Variants in TRIM9 observed in about 807,000 individuals in gnomAD.
TRIM9 encodes the protein tripartite motif containing 9.
TRIM9 carries 26 observed loss-of-function variants against 78.3 expected under a neutral mutation model. That is an observed-to-expected ratio of 0.33 (90% CI 0.24 to 0.46). The LOEUF is 0.46. TRIM9 is among the 20% of genes least tolerant of loss of function. The pLI is 1.00. For synonymous variants in TRIM9, 398 were observed against 416.5 expected (o/e 0.96, Z 0.54); for missense variants, 787 against 1,036.4 (o/e 0.76, Z 3.30).
chr14:50,992,229 G>A (rs994274236), intron 7 of TRIM9, among the ~76,000 whole-genome samples: 6 of 152,142 alleles, frequency 3.9e-5, no homozygotes, highest in Non-Finnish European at 5.9e-5. Context: ...AGCATTTCTG[G>A]AGGTCTCAGC....
chr14:51,045,504 G>A (rs1050376568), intron 1 of TRIM9, among the ~76,000 whole-genome samples: 1 of 152,176 alleles, frequency 6.6e-6, no homozygotes, highest in Non-Finnish European at 1.5e-5. Flanking sequence ...TATTGTAGAG[G>A]GCATTTAAGA....
At chr14:50,983,186 A>G (rs2052207364) in intron 9 of TRIM9, among the ~76,000 whole-genome samples, 194 bp downstream of exon 9, 1 of 152,244 alleles carries the variant, frequency 6.6e-6, no homozygotes, top group East Asian at 1.9e-4. Flanking sequence ...GGGAAAAGTA[A>G]GGTTTGAGGC....
At chr14:51,050,552 C>T (rs1451796631) in intron 1 of TRIM9, among the ~76,000 whole-genome samples, 3 of 152,142 alleles carry the variant, frequency 2.0e-5, no homozygotes, top group Admixed American at 6.5e-5. Flanking sequence ...CAGACTAATA[C>T]AATGTCTTTA....
intron 1 of TRIM9, among the ~76,000 whole-genome samples, chr14:51,025,905 C>G (rs898189125): frequency 1.3e-5 from 2 of 152,152 alleles, no homozygotes; most frequent in African/African-American, 4.8e-5. Flanking sequence ...TTCCTTCTCC[C>G]AAGTACAGCC....
intron 1 of TRIM9, among the ~76,000 whole-genome samples, chr14:51,064,591 T>C (rs976063603): frequency 7.9e-5 from 12 of 151,976 alleles, no homozygotes; most frequent in African/African-American, 2.7e-4. Context: ...AAGTTGGTAG[T>C]TGGTTTTCTG....
chr14:50,983,654 A>G (rs1158237306), intron 8 of TRIM9, among the ~76,000 whole-genome samples: 1 of 152,186 alleles, frequency 6.6e-6, no homozygotes, highest in East Asian at 1.9e-4. Context: ...AATTGATCCT[A>G]AACTCTGTAG....
rs1293242939 is a variant in TRIM9, at chr14:50,988,549, T to G, written c.1604-2405A>C. ...TTCACTCTAATCAGGCAAGTTTATT[T>G]AACATCCATACTGTACAACCATTTC... On this transcript the variant is annotated intron_variant, in intron 7 of 12. Coordinates refer to ENST00000684578, the MANE Select transcript of TRIM9 (RefSeq NM_001387360.1). 2.0e-5 allele frequency among the ~76,000 whole-genome samples: 3 copies of G among 151,394 alleles called. No homozygotes were observed. The East Asian group carries it at 5.8e-4, about 29-fold the overall frequency.
intron 1 of TRIM9, among the ~76,000 whole-genome samples, chr14:51,073,686 T>C (rs1292343039): frequency 3.3e-5 from 5 of 152,220 alleles, no homozygotes; most frequent in African/African-American, 1.2e-4. Flanking sequence ...TGGAGGCTGA[T>C]GATATCCTGA....
chr14:50,979,647 T>G (rs566238739), intron 11 of TRIM9, 98 bp from the exon 12 acceptor site: 49 of 972,402 alleles, frequency 5.0e-5, no homozygotes, highest in Non-Finnish European at 5.7e-5. Flanking sequence ...AACCTGTTTA[T>G]AATCATCACT....
At chr14:51,022,738 C>A in intron 3 of TRIM9, 97 bp downstream of exon 3, 1 of 1,553,720 alleles carries the variant, frequency 6.4e-7, no homozygotes. Context: ...GCATCCTCTC[C>A]TCCTGTCCAT....
At position 50,986,064 on chromosome 14, in the gene TRIM9, A is replaced by G. The variant is rs935968070; in HGVS notation, c.1684T>C (p.Ser562Pro). ...LPLRRMSPFS[S>P]TLNLQPSFPG... Reference sequence around the variant, plus strand: ...AAGCTGGGTTGTAGATTAAGGGTGGAGGAGAAAGGACTCATTCTACGGAGC... The same window carrying G: ...AAGCTGGGTTGTAGATTAAGGGTGGGGGAGAAAGGACTCATTCTACGGAGC... Residue 562 changes from serine to proline, a missense_variant, in exon 8 of 13, where the codon TCC becomes CCC. Ser to Pro is a moderately conservative substitution (Grantham distance 74). This residue lies in a region of TRIM9 where 421 missense variants were observed against 514.3 expected (regional missense o/e 0.82). Coordinates refer to ENST00000684578, the MANE Select transcript of TRIM9 (RefSeq NM_001387360.1). The G allele has an allele frequency of 1.3e-6, 2 of 1,549,826 alleles. No individual in the cohort carries two copies. The highest frequency in any genetic ancestry group is 1.7e-6 in the Non-Finnish European group (2 of 1,146,606).
At chr14:51,066,136 G>A (rs1191404520) in intron 1 of TRIM9, among the ~76,000 whole-genome samples, 2 of 136,500 alleles carry the variant, frequency 1.5e-5, no homozygotes, top group African/African-American at 5.4e-5. Context: ...GGAGGGGGAG[G>A]GAGACAATTT....
At chr14:51,020,214 T>G (rs2139745266) in intron 3 of TRIM9, among the ~76,000 whole-genome samples, 1 of 152,200 alleles carries the variant, frequency 6.6e-6, no homozygotes, top group East Asian at 1.9e-4. Flanking sequence ...GGCCAGTCTT[T>G]TCTCACAAAT....
chr14:51,094,256 G>A lies in TRIM9; in HGVS notation c.684C>T (p.Thr228=), dbSNP rs779474155. ...SRRLSPRKVS[T]CTDHELENHS... is the part of the protein sequence containing the mutation. ...GGTTCTCCAGCTCGTGGTCTGTGCA[G>A]GTGGAGACCTTGCGTGGGCTCAGCC... The change falls in exon 1 of 13, where the codon ACC becomes ACT. Residue 228 remains threonine (T), a synonymous_variant. Transcript: ENST00000684578. 1 of 1,614,228 alleles carries A rather than the reference G, an allele frequency of 6.2e-7. No individual in the cohort carries two copies. Among genetic ancestry groups the A allele is most frequent in the Non-Finnish European group, 8.5e-7 (1 of 1,180,038 alleles).
At chr14:51,054,160 C>T (rs1056134971) in intron 1 of TRIM9, among the ~76,000 whole-genome samples, 3 of 152,224 alleles carry the variant, frequency 2.0e-5, no homozygotes, top group African/African-American at 7.2e-5. Context: ...CTCCTGGGCT[C>T]AAACCATCCT....
At chr14:51,020,994 A>C (rs2057706214) in intron 3 of TRIM9, among the ~76,000 whole-genome samples, 1 of 152,244 alleles carries the variant, frequency 6.6e-6, no homozygotes. Flanking sequence ...ATGGCTAGGT[A>C]CTTAAATAGT....
chr14:51,016,017 T>C (rs887650681), intron 3 of TRIM9, among the ~76,000 whole-genome samples: 1 of 152,182 alleles, frequency 6.6e-6, no homozygotes, highest in South Asian at 2.1e-4. Context: ...CCGGTACAGT[T>C]GTCTCCTCAG....
chr14:51,002,216 G>C (rs2055155005), intron 5 of TRIM9, among the ~76,000 whole-genome samples: 1 of 152,208 alleles, frequency 6.6e-6, no homozygotes, highest in Admixed American at 6.5e-5. Context: ...CCGCCTCCCA[G>C]GTTCGTACTA....
intron 3 of TRIM9, among the ~76,000 whole-genome samples, chr14:51,017,666 G>T (rs2057344915): frequency 6.6e-6 from 1 of 152,208 alleles, no homozygotes; most frequent in Non-Finnish European, 1.5e-5. Flanking sequence ...GTGTAGCAAG[G>T]TATAGTGGAT....
Sources: gnomAD v4.1 joint callset for allele counts (sites outside exome capture counted in the v4.1 genomes callset) on GRCh38, gnomAD v4.1.1 for gene constraint, gnomAD v4.1.1 regional missense constraint, MANE v1.5 for transcripts, NCBI Gene and HGNC (gene_info 2026-07-23, HGNC 2026-07-21) for gene names.